ANXA13: variants seen among roughly 807,000 people sequenced by gnomAD.
ANXA13 encodes annexin A13.
Under a neutral mutation model 46.6 loss-of-function variants are expected in ANXA13, and 36 were observed. That is an observed-to-expected ratio of 0.77 (90% confidence interval 0.59 to 1.02). ANXA13 has a LOEUF of 1.02. Among genes scored for constraint, ANXA13 ranks in the 50% least tolerant of loss-of-function variants. The pLI is 0.00. For synonymous variants in ANXA13, 163 were observed against 152.9 expected (o/e 1.07, Z -0.49); for missense variants, 417 against 396.5 (o/e 1.05, Z -0.44).
chr8:123,704,856 A>G, intron 2 of ANXA13, among the ~76,000 whole-genome samples: 1 of 151,874 alleles, frequency 6.6e-6, no homozygotes. Flanking sequence ...TCTCCTCTCT[A>G]TTGGAGTCAC....
chr8:123,705,319 C>T (rs915280816), intron 2 of ANXA13, among the ~76,000 whole-genome samples: 29 of 152,232 alleles, frequency 1.9e-4, no homozygotes, highest in African/African-American at 7.0e-4. Context: ...GTTCACTTCA[C>T]ACCATACTTT....
chr8:123,713,982 C>T (rs1473227384), intron 1 of ANXA13, among the ~76,000 whole-genome samples: 4 of 152,156 alleles, frequency 2.6e-5, no homozygotes, highest in Admixed American at 6.5e-5. Flanking sequence ...GTGTGAGCCA[C>T]GGCGCCCGGC....
chr8:123,683,067 C>T (rs1464695900), intron 10 of ANXA13, among the ~76,000 whole-genome samples: 3 of 151,872 alleles, frequency 2.0e-5, no homozygotes, highest in Non-Finnish European at 4.4e-5. Context: ...GGCTGGAGGT[C>T]GAGTTGCTAA....
rs1288734813 is a variant in ANXA13, at chr8:123,695,713, G to A, written c.366C>T (p.Ile122=). Residue 122 remains isoleucine (I), a synonymous_variant, in exon 5 of 11, where the codon ATC becomes ATT. Transcript: ENST00000419625. ...VLCTRTNKEI[I]AIKEAYQRLF... is the part of the protein sequence containing the mutation. ...GCCTTTGGTAGGCCTCTTTAATGGC[G>A]ATGATTTCCTAGGGAAGGTAATTTA... The A allele has an allele frequency of 6.2e-7, 1 of 1,613,046 alleles. No homozygotes were observed.
At chr8:123,707,094 C>T (rs1393438451) in intron 2 of ANXA13, among the ~76,000 whole-genome samples, 2 of 152,194 alleles carry the variant, frequency 1.3e-5, no homozygotes, top group African/African-American at 4.8e-5. Context: ...GTATTTTGTT[C>T]ACCATGGTAT....
intron 6 of ANXA13, among the ~76,000 whole-genome samples, chr8:123,695,184 C>T (rs536271829): frequency 6.6e-6 from 1 of 152,008 alleles, no homozygotes; most frequent in Admixed American, 6.6e-5. Flanking sequence ...CTGCATGAAC[C>T]TGGGCAGGTT....
chr8:123,732,257 T>A (rs1391386215), intron 1 of ANXA13, among the ~76,000 whole-genome samples: 1 of 152,144 alleles, frequency 6.6e-6, no homozygotes, highest in Admixed American at 6.5e-5. Flanking sequence ...TAATAGTATC[T>A]CCCTGATAGG....
chr8:123,695,873 G>A (rs913217861), intron 4 of ANXA13, 152 bp from the exon 5 acceptor site: 5 of 651,864 alleles, frequency 7.7e-6, no homozygotes, highest in East Asian at 5.5e-5. Flanking sequence ...CAGGGCACAC[G>A]CCTGGAGCGA....
intron 1 of ANXA13, among the ~76,000 whole-genome samples, chr8:123,717,276 T>C (rs1471951418): frequency 2.0e-5 from 3 of 152,198 alleles, no homozygotes; most frequent in South Asian, 4.1e-4. Context: ...GAGGTTTACG[T>C]GAAATAACTT....
intron 10 of ANXA13, among the ~76,000 whole-genome samples, chr8:123,683,722 G>A (rs1157148249): frequency 6.6e-6 from 1 of 151,870 alleles, no homozygotes. Context: ...GAGTAGCTGG[G>A]ACTACAAGTG....
intron 1 of ANXA13, among the ~76,000 whole-genome samples, chr8:123,720,680 G>GTC (rs1431410839): frequency 6.6e-6 from 1 of 151,594 alleles, no homozygotes; most frequent in Non-Finnish European, 1.5e-5. Flanking sequence ...GTGTGTGTGT[G>GTC]TGTGTGTGTG....
At chr8:123,713,038 C>G (rs527809597) in intron 1 of ANXA13, among the ~76,000 whole-genome samples, 2 of 152,204 alleles carry the variant, frequency 1.3e-5, no homozygotes, top group Non-Finnish European at 2.9e-5. Context: ...TTCATATCAA[C>G]CCCACCTTTG....
At chr8:123,682,805 T>A (rs1813063367) in intron 10 of ANXA13, among the ~76,000 whole-genome samples, 1 of 152,174 alleles carries the variant, frequency 6.6e-6, no homozygotes, top group South Asian at 2.1e-4. Flanking sequence ...CTACTATATC[T>A]AGCCAGGCCT....
At chr8:123,695,912 C>CA (rs1489590605) in intron 4 of ANXA13, among the ~76,000 whole-genome samples, 191 bp from the exon 5 acceptor site, 2 of 143,364 alleles carry the variant, frequency 1.4e-5, no homozygotes, top group Admixed American at 6.9e-5. Flanking sequence ...GCCCGCCCCC[C>CA]CCCCACTCCG....
intron 9 of ANXA13, among the ~76,000 whole-genome samples, chr8:123,685,148 T>TC (rs1453811873): frequency 1.3e-5 from 2 of 152,186 alleles, no homozygotes; most frequent in Non-Finnish European, 2.9e-5. Context: ...CCGCCTGCTC[T>TC]CCTATGCTCA....
At chr8:123,735,575 T>C (rs1454831420) in intron 1 of ANXA13, among the ~76,000 whole-genome samples, 1 of 152,210 alleles carries the variant, frequency 6.6e-6, no homozygotes, top group African/African-American at 2.4e-5. Flanking sequence ...CATTTTTACA[T>C]TACCTGTAAA....
chr8:123,697,091 G>A (rs1425205354), intron 4 of ANXA13, among the ~76,000 whole-genome samples: 2 of 152,134 alleles, frequency 1.3e-5, no homozygotes, highest in Non-Finnish European at 2.9e-5. Context: ...TGTATTTTTA[G>A]TAGAGACGGG....
At chr8:123,737,210 G>A (rs577145189) in intron 1 of ANXA13, 110 bp downstream of exon 1, 1 of 1,116,870 alleles carries the variant, frequency 9.0e-7, no homozygotes, top group Non-Finnish European at 1.3e-6. Context: ...CAATATTAAA[G>A]GGTAACCATA....
intron 1 of ANXA13, among the ~76,000 whole-genome samples, 169 bp downstream of exon 1, chr8:123,737,151 G>C (rs183785103): frequency 4.6e-5 from 7 of 151,772 alleles, no homozygotes; most frequent in African/African-American, 7.3e-5. Context: ...GTGAGCCACC[G>C]CACCCGGCCT....
Sources: allele counts gnomAD v4.1 joint callset (sites outside exome capture counted in the v4.1 genomes callset), GRCh38; gene constraint gnomAD v4.1.1; transcripts MANE v1.5; gene names NCBI Gene and HGNC (gene_info 2026-07-23, HGNC 2026-07-21).